Variants in PPP1R42 observed in about 807,000 individuals in gnomAD.
The protein encoded by PPP1R42 is protein phosphatase 1 regulatory subunit 42, also known as leucine rich repeat containing 67.
PPP1R42 carries 34 observed loss-of-function variants against 31.0 expected under a neutral mutation model. The observed-to-expected ratio is 1.10, with a 90% CI of 0.83 to 1.46. PPP1R42 has a LOEUF of 1.46. Ranked by LOEUF, PPP1R42 falls within the 40% of genes most tolerant of loss-of-function variation. The pLI, the probability that PPP1R42 is intolerant of heterozygous loss-of-function variation, is 0.00. For synonymous variants in PPP1R42, 103 were observed against 109.8 expected, an observed-to-expected ratio of 0.94 and a Z score of 0.39; for missense variants, 268 against 303.0, an observed-to-expected ratio of 0.88 and a Z score of 0.86.
At chr8:67,026,000 G>C (rs1471728196) in intron 1 of PPP1R42, among the ~76,000 whole-genome samples, 6 of 139,312 alleles carry the variant, frequency 4.3e-5, no homozygotes, top group African/African-American at 1.6e-4. Flanking sequence ...GTGAGACTCC[G>C]TCTCAAAAAA....
intron 7 of PPP1R42, among the ~76,000 whole-genome samples, chr8:66,977,548 C>T (rs1296540110): frequency 1.3e-5 from 2 of 152,070 alleles, no homozygotes; most frequent in African/African-American, 4.8e-5. Context: ...CTCTGTTTCC[C>T]AGGCTGGAGT....
chr8:67,010,218 T>C (rs1440859328), intron 5 of PPP1R42, among the ~76,000 whole-genome samples: 1 of 152,250 alleles, frequency 6.6e-6, no homozygotes, highest in African/African-American at 2.4e-5. Flanking sequence ...AATACATATT[T>C]GATTAAATGA....
intron 2 of PPP1R42, among the ~76,000 whole-genome samples, chr8:67,016,620 G>A (rs1816024220): frequency 6.6e-6 from 1 of 152,090 alleles, no homozygotes; most frequent in Non-Finnish European, 1.5e-5. Flanking sequence ...TTTTTCTTGT[G>A]TGAATTTTAA....
chr8:67,018,375 C>A (rs1024747661), intron 1 of PPP1R42, among the ~76,000 whole-genome samples: 2 of 151,942 alleles, frequency 1.3e-5, no homozygotes, highest in Non-Finnish European at 2.9e-5. Flanking sequence ...GCCTCGGCCT[C>A]CCAAAGTGCT....
rs138485625 is a variant in PPP1R42, at chr8:67,006,817, G to A, written c.552+3898C>T. Among the ~76,000 whole-genome samples, 1,218 of 147,078 alleles carry A rather than the reference G, an allele frequency of 8.3e-3. 13 individuals are homozygous for A. The highest frequency in any genetic ancestry group is 0.029 in the African/African-American group (1,144 of 39,510). ...GCTGGAATGCAGTGGTGCGATCTCG[G>A]CTCACTGCAAGCTATGCCTCCCGGG... On this transcript the variant is annotated intron_variant, in intron 5 of 7. Transcript: ENST00000685739.
At chr8:66,996,408 A>G (rs900125536) in intron 5 of PPP1R42, among the ~76,000 whole-genome samples, 8 of 152,214 alleles carry the variant, frequency 5.3e-5, no homozygotes, top group Non-Finnish European at 1.0e-4. Flanking sequence ...GCTAAACTAC[A>G]TAGTACACTA....
At chr8:67,023,973 T>C (rs1406074615) in intron 1 of PPP1R42, among the ~76,000 whole-genome samples, 1 of 151,844 alleles carries the variant, frequency 6.6e-6, no homozygotes, top group Non-Finnish European at 1.5e-5. Context: ...TGAAAACCCG[T>C]CTCTACTAAA....
chr8:66,999,224 AT>A (rs988347061), intron 5 of PPP1R42, among the ~76,000 whole-genome samples: 48 of 148,938 alleles, frequency 3.2e-4, no homozygotes, highest in African/African-American at 1.1e-3. Context: ...TGCCTGGCTA[AT>A]TTTTTTTTTC....
chr8:67,018,392 A>T (rs1480984060), intron 1 of PPP1R42, among the ~76,000 whole-genome samples: 1 of 152,070 alleles, frequency 6.6e-6, no homozygotes, highest in Non-Finnish European at 1.5e-5. Context: ...TGCTGAGATT[A>T]CAGGCGTGAG....
At chr8:66,984,315 A>G (rs1030694779) in intron 6 of PPP1R42, 3 of 1,297,030 alleles carry the variant, frequency 2.3e-6, no homozygotes, top group Non-Finnish European at 3.4e-6. Flanking sequence ...TTTTCTTCAC[A>G]GCTTCCTCAT....
intron 6 of PPP1R42, chr8:66,985,543 A>G (rs1189422291): frequency 2.3e-6 from 3 of 1,308,600 alleles, no homozygotes; most frequent in African/African-American, 1.5e-5. Flanking sequence ...CGGGCCCACC[A>G]TGTTGGCATT....
intron 7 of PPP1R42, among the ~76,000 whole-genome samples, chr8:66,976,022 C>T (rs1284133101): frequency 6.6e-6 from 1 of 152,140 alleles, no homozygotes; most frequent in African/African-American, 2.4e-5. Flanking sequence ...GGCAGGTAAG[C>T]GAATGAAGCT....
At chr8:67,018,270 C>A (rs890086705) in intron 1 of PPP1R42, among the ~76,000 whole-genome samples, 1 of 62 alleles carries the variant, frequency 0.016, no homozygotes, top group Non-Finnish European at 0.045. Flanking sequence ...GAGCGTGCTA[C>A]CACGCCCCAG....
intron 7 of PPP1R42, among the ~76,000 whole-genome samples, chr8:66,978,910 G>GT (rs150915785): frequency 0.035 from 5,294 of 152,026 alleles, 187 homozygotes; most frequent in African/African-American, 0.079. Flanking sequence ...AAACTGGGTT[G>GT]TTTTTTTGCT....
intron 1 of PPP1R42, among the ~76,000 whole-genome samples, chr8:67,020,573 G>A (rs934773938): frequency 2.6e-5 from 4 of 152,184 alleles, no homozygotes; most frequent in African/African-American, 9.7e-5. Flanking sequence ...GGCATCTTGG[G>A]CAGGTTACTT....
rs1237025287 is a variant in PPP1R42 at position 66,985,262 on chromosome 8, G to A, written c.671-3082C>T. Reference sequence around the variant, plus strand: ...TGGAATTTAAAAGTGCGTTTCTGGCGCTGGGAAGCGACAGTGGAGACTCGG... The same window carrying A: ...TGGAATTTAAAAGTGCGTTTCTGGCACTGGGAAGCGACAGTGGAGACTCGG... On this transcript the variant is annotated intron_variant, in intron 6 of 7. Transcript: ENST00000685739. 16 of 1,034,122 alleles carry A rather than the reference G, an allele frequency of 1.5e-5. No individual in the cohort carries two copies. The East Asian group carries it at 1.7e-4, about 11-fold the overall frequency. 64.1% of individuals were successfully genotyped at this position (1,034,122 alleles called of 1,614,324 possible).
At chr8:66,969,913 T>C (rs1405183801) in intron 7 of PPP1R42, among the ~76,000 whole-genome samples, 1 of 152,158 alleles carries the variant, frequency 6.6e-6, no homozygotes. Context: ...ATAAGTTTAA[T>C]GCAAAATTTA....
chr8:66,977,611 T>C (rs970717698), intron 7 of PPP1R42, among the ~76,000 whole-genome samples: 2 of 152,148 alleles, frequency 1.3e-5, no homozygotes, highest in Non-Finnish European at 2.9e-5. Flanking sequence ...GTTCAATCGA[T>C]TCTCCTGTCT....
At chr8:66,998,122 C>A (rs138364690) in intron 5 of PPP1R42, among the ~76,000 whole-genome samples, 2 of 151,858 alleles carry the variant, frequency 1.3e-5, no homozygotes, top group African/African-American at 4.8e-5. Context: ...ATAAAAAAAT[C>A]AAAACCAGAA....
Sources: gnomAD v4.1 joint callset for allele counts (sites outside exome capture counted in the v4.1 genomes callset) on GRCh38, gnomAD v4.1.1 for gene constraint, MANE v1.5 for transcripts, NCBI Gene and HGNC (gene_info 2026-07-23, HGNC 2026-07-21) for gene names.